Variants in BMP7 observed in about 807,000 individuals in gnomAD.
BMP7 encodes the protein bone morphogenetic protein 7.
BMP7 carries 12 observed loss-of-function variants against 41.2 expected under a neutral mutation model. The observed-to-expected ratio is 0.29, with a 90% CI of 0.19 to 0.47. The LOEUF (loss-of-function observed/expected upper bound fraction) is 0.47. Among genes scored for constraint, BMP7 ranks in the 20% least tolerant of loss-of-function variants. The probability of loss-of-function intolerance (pLI) is 0.99; values close to 1 mark genes in which losing one functional copy is unlikely to be tolerated. For missense variants in BMP7, 467 were observed against 606.0 expected (o/e 0.77, Z 2.41); for synonymous variants, 248 against 250.0 (o/e 0.99, Z 0.07).
At chr20:57,207,101 G>T (rs1477404525) in intron 2 of BMP7, among the ~76,000 whole-genome samples, 1 of 152,218 alleles carries the variant, frequency 6.6e-6, no homozygotes, top group African/African-American at 2.4e-5. Context: ...GTGATCTGCT[G>T]TGACCAGTAG....
At chr20:57,256,389 G>A (rs6070036) in intron 1 of BMP7, among the ~76,000 whole-genome samples, 5 of 152,092 alleles carry the variant, frequency 3.3e-5, no homozygotes, top group African/African-American at 9.7e-5. Flanking sequence ...TCATGATAGC[G>A]TGGTGTCATC....
chr20:57,253,484 G>C (rs2066122281), intron 1 of BMP7, among the ~76,000 whole-genome samples: 2 of 152,214 alleles, frequency 1.3e-5, no homozygotes, highest in Non-Finnish European at 2.9e-5. Context: ...GGAAAAGAGA[G>C]TTTTAAAGTT....
chr20:57,198,959 C>A (rs999338826), intron 3 of BMP7, among the ~76,000 whole-genome samples: 1 of 152,230 alleles, frequency 6.6e-6, no homozygotes, highest in Non-Finnish European at 1.5e-5. Flanking sequence ...TCCACCCACG[C>A]ACAGTGTAAC....
At chr20:57,241,148 C>T (rs2066067417) in intron 1 of BMP7, among the ~76,000 whole-genome samples, 1 of 152,246 alleles carries the variant, frequency 6.6e-6, no homozygotes, top group East Asian at 1.9e-4. Context: ...CTTTAAAGGC[C>T]CGTACTCTTC....
At chr20:57,192,904 AAG>A (rs1984406683) in intron 3 of BMP7, among the ~76,000 whole-genome samples, 4 of 152,146 alleles carry the variant, frequency 2.6e-5, no homozygotes. Context: ...TTCTATCTCC[AAG>A]AGATTCTCCT....
intron 1 of BMP7, among the ~76,000 whole-genome samples, chr20:57,238,403 C>T (rs1037088711): frequency 1.3e-5 from 2 of 152,188 alleles, no homozygotes. Flanking sequence ...AGTAATGCTG[C>T]TGTGACTATG....
chr20:57,171,527 ATGAGTGCCACG>A lies in BMP7; in HGVS notation c.1147-430_1147-420del, dbSNP rs1173255675. Among the ~76,000 whole-genome samples, 1 of 152,212 alleles carries A rather than the reference ATGAGTGCCACG, an allele frequency of 6.6e-6. No homozygotes were observed. Among genetic ancestry groups the A allele is most frequent in the African/African-American group, 2.4e-5 (1 of 41,456 alleles). The stretch of plus-strand genomic sequence containing the variant: ...CAGGGACACATAGACTCAAATGCCT[ATGAGTGCCACG>A]TGAGTGCCACTGATAAGCAAAATAG... On this transcript the variant is annotated intron_variant, in intron 6 of 6. Coordinates refer to ENST00000395863, the MANE Select transcript of BMP7 (RefSeq NM_001719.3). The surrounding 1 kb of genome is among the most constrained non-coding windows in gnomAD (Gnocchi z 4.5).
chr20:57,264,110 C>G (rs183340563), intron 1 of BMP7, among the ~76,000 whole-genome samples: 1 of 152,334 alleles, frequency 6.6e-6, no homozygotes, highest in East Asian at 1.9e-4. Flanking sequence ...ATTTTGGCAT[C>G]TAAACCTCCC....
intron 2 of BMP7, among the ~76,000 whole-genome samples, chr20:57,211,793 A>G (rs967573115): frequency 6.6e-6 from 1 of 152,158 alleles, no homozygotes; most frequent in African/African-American, 2.4e-5. Flanking sequence ...AACAACAAGG[A>G]AACAGATCCT....
At chr20:57,253,443 A>C (rs1273508355) in intron 1 of BMP7, among the ~76,000 whole-genome samples, 1 of 152,218 alleles carries the variant, frequency 6.6e-6, no homozygotes, top group African/African-American at 2.4e-5. Flanking sequence ...ATAAACTAAC[A>C]GCTGCTTTAT....
chr20:57,197,175 T>C (rs768176176), intron 3 of BMP7, among the ~76,000 whole-genome samples: 8 of 151,788 alleles, frequency 5.3e-5, no homozygotes, highest in Non-Finnish European at 1.2e-4. Context: ...GTTGGGATTA[T>C]AGGCATGAGC....
chr20:57,188,851 C>T (rs933347266), intron 3 of BMP7, among the ~76,000 whole-genome samples: 1 of 152,248 alleles, frequency 6.6e-6, no homozygotes, highest in Non-Finnish European at 1.5e-5. Flanking sequence ...AGGAACAAGA[C>T]TCTGAGTGAG....
At chr20:57,177,063 G>A (rs997697402) in intron 4 of BMP7, among the ~76,000 whole-genome samples, 7 of 152,152 alleles carry the variant, frequency 4.6e-5, no homozygotes, top group African/African-American at 1.7e-4. Context: ...TGCAAATTAG[G>A]ACACCTCCTC....
chr20:57,200,138 A>G (rs1162389591), intron 3 of BMP7, among the ~76,000 whole-genome samples: 1 of 152,222 alleles, frequency 6.6e-6, no homozygotes, highest in Non-Finnish European at 1.5e-5. Flanking sequence ...ATCACAAGAG[A>G]CAGTGGTGCT....
chr20:57,253,893 G>T (rs2066123621), intron 1 of BMP7, among the ~76,000 whole-genome samples: 1 of 151,956 alleles, frequency 6.6e-6, no homozygotes, highest in Non-Finnish European at 1.5e-5. Context: ...CGTTCACATT[G>T]CTGTGTAACT....
chr20:57,188,482 C>T (rs1238233802), intron 3 of BMP7, among the ~76,000 whole-genome samples: 4 of 149,692 alleles, frequency 2.7e-5, no homozygotes, highest in South Asian at 2.1e-4. Flanking sequence ...AGGGATATTT[C>T]GGAGTGATAC....
At chr20:57,203,216 G>A (rs937240594) in intron 2 of BMP7, among the ~76,000 whole-genome samples, 3 of 152,086 alleles carry the variant, frequency 2.0e-5, no homozygotes, top group Non-Finnish European at 4.4e-5. Context: ...CCATCTTTAT[G>A]AGCCCACCAA....
At chr20:57,247,155 C>CTG (rs1202571925) in intron 1 of BMP7, among the ~76,000 whole-genome samples, 2 of 152,190 alleles carry the variant, frequency 1.3e-5, no homozygotes, top group Non-Finnish European at 2.9e-5. Flanking sequence ...ACTCCAGCAA[C>CTG]TGTGTTGATG....
Position 57,238,177 on chromosome 20 carries a change from T to C in BMP7, c.419-9756A>G, listed in dbSNP as rs6099507. 3.8e-3 allele frequency among the ~76,000 whole-genome samples: 580 copies of C among 152,296 alleles called. 6 individuals are homozygous for C. Among genetic ancestry groups the C allele is most frequent in the African/African-American group, 0.014 (562 of 41,554 alleles). On this transcript the variant is annotated intron_variant, in intron 1 of 6. Transcript: ENST00000395863. ...TACTTTCTGTCTCTATGAATCTGAC[T>C]GCTTTGGGCAACACCTATAAATGGA...
Sources: gnomAD v4.1 joint callset for allele counts (sites outside exome capture counted in the v4.1 genomes callset) on GRCh38, gnomAD v4.1.1 for gene constraint, Gnocchi (gnomAD v3.1) non-coding constraint, MANE v1.5 for transcripts, NCBI Gene and HGNC (gene_info 2026-07-23, HGNC 2026-07-21) for gene names.